The following WWTR1 variants were observed in gnomAD, a reference collection of about 807,000 sequenced individuals.
The protein encoded by WWTR1 is WW domain-containing transcription regulator protein 1.
A neutral mutation model predicts 40.1 loss-of-function variants in WWTR1; 13 were observed. The observed-to-expected ratio is 0.32, with a 90% CI of 0.21 to 0.52. The LOEUF is 0.52. Among genes scored for constraint, WWTR1 ranks in the 20% least tolerant of loss-of-function variants. The pLI, the probability that WWTR1 is intolerant of heterozygous loss-of-function variation, is 0.97. For synonymous variants in WWTR1, 230 were observed against 210.1 expected (o/e 1.09, Z -0.82); for missense variants, 436 against 523.1 (o/e 0.83, Z 1.63).
At chr3:149,648,018 T>C (rs1003243236) in intron 2 of WWTR1, among the ~76,000 whole-genome samples, 2 of 152,196 alleles carry the variant, frequency 1.3e-5, no homozygotes, top group Non-Finnish European at 2.9e-5. Context: ...CATTTCTGCC[T>C]CTATACCTCT....
chr3:149,709,131 T>G (rs1196942265), intron 5 of WWTR1, among the ~76,000 whole-genome samples: 1 of 152,074 alleles, frequency 6.6e-6, no homozygotes, highest in African/African-American at 2.4e-5. Context: ...CGTGCCACCA[T>G]GCCTGGATAA....
At chr3:149,709,431 T>A (rs1330164985) in intron 5 of WWTR1, among the ~76,000 whole-genome samples, 1 of 152,214 alleles carries the variant, frequency 6.6e-6, no homozygotes, top group African/African-American at 2.4e-5. Context: ...GAGAAATGTA[T>A]GTTCAAATTA....
At chr3:149,660,686 C>T (rs1195224620), upstream of WWTR1, among the ~76,000 whole-genome samples, 1 of 152,236 alleles carries the variant, frequency 6.6e-6, no homozygotes, top group Non-Finnish European at 1.5e-5. Flanking sequence ...TCAGACAAGA[C>T]ATTTAAGCTC....
At chr3:149,703,605 C>A (rs987587178), upstream of WWTR1, among the ~76,000 whole-genome samples, 4 of 152,130 alleles carry the variant, frequency 2.6e-5, no homozygotes, top group African/African-American at 9.7e-5. Context: ...CCCTCCAAGT[C>A]TCATGTTGAA....
At chr3:149,691,756 T>C (rs7640193) in intron 1 of WWTR1, among the ~76,000 whole-genome samples, 102,214 of 151,926 alleles carry the variant, frequency 0.67, 34,543 homozygotes, top group Middle Eastern at 0.73. Context: ...GTGGCTCATG[T>C]CTGTAATCCC....
intron 2 of WWTR1, among the ~76,000 whole-genome samples, chr3:149,666,045 G>A (rs1308965372): frequency 1.3e-5 from 2 of 152,184 alleles, no homozygotes; most frequent in African/African-American, 2.4e-5. Flanking sequence ...GAGCTTGGAA[G>A]AGTTTGCCAC....
At chr3:149,586,892 G>T (rs62269352) in intron 2 of WWTR1, among the ~76,000 whole-genome samples, 10,970 of 152,256 alleles carry the variant, frequency 0.072, 457 homozygotes, top group Middle Eastern at 0.11. Context: ...CTGAACATGT[G>T]AAGGCTCCTG....
intron 2 of WWTR1, among the ~76,000 whole-genome samples, chr3:149,618,213 G>A (rs1294549648): frequency 6.6e-6 from 1 of 152,092 alleles, no homozygotes; most frequent in Non-Finnish European, 1.5e-5. Context: ...TCGAAGGACT[G>A]AAGAACAGTA....
intron 5 of WWTR1, among the ~76,000 whole-genome samples, chr3:149,710,551 C>G (rs1228847738): frequency 8.3e-6 from 1 of 119,842 alleles, no homozygotes; most frequent in Non-Finnish European, 1.7e-5. Context: ...ACTTATAAAA[C>G]ATTATCATTA....
At chr3:149,664,574 G>A (rs1261085271) in intron 2 of WWTR1, among the ~76,000 whole-genome samples, 2 of 151,524 alleles carry the variant, frequency 1.3e-5, no homozygotes, top group African/African-American at 4.8e-5. Flanking sequence ...TGATAATGAT[G>A]ATGGAAGGCA....
intron 2 of WWTR1, among the ~76,000 whole-genome samples, chr3:149,573,567 A>G (rs536989060): frequency 2.6e-5 from 4 of 152,312 alleles, no homozygotes; most frequent in South Asian, 2.1e-4. Flanking sequence ...AAAACCCTCA[A>G]GAAGCTCACT....
intron 2 of WWTR1, among the ~76,000 whole-genome samples, chr3:149,653,619 C>A (rs1713026874): frequency 6.6e-6 from 1 of 152,152 alleles, no homozygotes; most frequent in Non-Finnish European, 1.5e-5. Context: ...GTGATTACAT[C>A]ATATACCTAG....
intron 2 of WWTR1, among the ~76,000 whole-genome samples, chr3:149,663,512 A>G (rs1403915712): frequency 6.6e-6 from 1 of 150,844 alleles, no homozygotes; most frequent in African/African-American, 2.4e-5. Context: ...CCTGGCCAAC[A>G]TGGTGAAACC....
chr3:149,696,002 A>C (rs930978651), intron 1 of WWTR1, among the ~76,000 whole-genome samples: 1 of 146,418 alleles, frequency 6.8e-6, no homozygotes, highest in Non-Finnish European at 1.5e-5. Flanking sequence ...AGTCCCAGCT[A>C]CTCGGGAGGC....
At chr3:149,676,527 C>T (rs945024107) in intron 1 of WWTR1, among the ~76,000 whole-genome samples, 4 of 152,128 alleles carry the variant, frequency 2.6e-5, no homozygotes, top group African/African-American at 9.7e-5. Flanking sequence ...GTAAGCACAG[C>T]TTCAGTACAT....
intron 5 of WWTR1, among the ~76,000 whole-genome samples, chr3:149,715,520 T>C (rs1715586890): frequency 6.6e-6 from 1 of 152,170 alleles, no homozygotes; most frequent in African/African-American, 2.4e-5. Flanking sequence ...TACACATCCC[T>C]TGCCGCTCCA....
chr3:149,708,858 T>C (rs887233835), intron 5 of WWTR1, among the ~76,000 whole-genome samples: 1 of 152,170 alleles, frequency 6.6e-6, no homozygotes, highest in Non-Finnish European at 1.5e-5. Context: ...TATACTGTAG[T>C]TCTATTTTTA....
At chr3:149,522,610 C>T (rs984446680) in intron 6 of WWTR1, among the ~76,000 whole-genome samples, 1 of 152,130 alleles carries the variant, frequency 6.6e-6, no homozygotes, top group Non-Finnish European at 1.5e-5. Context: ...GTCTAAAAAA[C>T]AATCTGATCT....
intron 2 of WWTR1, among the ~76,000 whole-genome samples, chr3:149,640,010 A>AAAAAAG (rs1553802828): frequency 1.9e-4 from 27 of 140,404 alleles, no homozygotes; most frequent in Non-Finnish European, 3.1e-4. Flanking sequence ...AAAAAAAAAA[A>AAAAAAG]AAAGAAAGAA....
Sources: gnomAD v4.1 joint callset for allele counts (sites outside exome capture counted in the v4.1 genomes callset) on GRCh38, gnomAD v4.1.1 for gene constraint, MANE v1.5 for transcripts, NCBI Gene and HGNC (gene_info 2026-07-23, HGNC 2026-07-21) for gene names.